Variants in ROBO2 observed in about 807,000 individuals in gnomAD.
The protein encoded by ROBO2 is roundabout homolog 2.
Under a neutral mutation model 160.8 loss-of-function variants are expected in ROBO2, and 53 were observed. The observed-to-expected ratio is 0.33, with a 90% confidence interval of 0.26 to 0.41. ROBO2 has a LOEUF of 0.41. Ranked by LOEUF, ROBO2 falls within the 10% of genes least tolerant of loss-of-function variation. The pLI, the probability that ROBO2 is intolerant of heterozygous loss-of-function variation, is 1.00. For missense variants in ROBO2, 1,577 were observed against 1,722.4 expected (o/e 0.92, Z 1.49); for synonymous variants, 664 against 611.7 (o/e 1.09, Z -1.26).
At chr3:76,871,006 T>C (rs1240163397) in intron 2 of ROBO2, among the ~76,000 whole-genome samples, 4 of 152,194 alleles carry the variant, frequency 2.6e-5, no homozygotes, top group Non-Finnish European at 5.9e-5. Context: ...CCTCTGCCAA[T>C]AGAGACAACG....
chr3:76,666,695 C>T (rs945788541), intron 2 of ROBO2, among the ~76,000 whole-genome samples: 1 of 151,766 alleles, frequency 6.6e-6, no homozygotes, highest in African/African-American at 2.4e-5. Flanking sequence ...CTTCCTGGCT[C>T]TTAGGCTTAT....
At chr3:77,229,873 C>G (rs554908299) in intron 2 of ROBO2, among the ~76,000 whole-genome samples, 5 of 151,916 alleles carry the variant, frequency 3.3e-5, no homozygotes, top group African/African-American at 1.2e-4. Context: ...ATTGAGATTC[C>G]CTCCATGAAG....
chr3:77,409,700 G>A (rs1404580756), intron 2 of ROBO2, among the ~76,000 whole-genome samples: 1 of 152,108 alleles, frequency 6.6e-6, no homozygotes, highest in Non-Finnish European at 1.5e-5. Flanking sequence ...GTAAGCAAAT[G>A]ACTCTTTGTC....
intron 2 of ROBO2, among the ~76,000 whole-genome samples, chr3:77,333,421 C>T (rs2066178684): frequency 6.6e-6 from 1 of 152,102 alleles, no homozygotes; most frequent in Non-Finnish European, 1.5e-5. Context: ...TTGATTAGAA[C>T]AGAATGCAAG....
intron 5 of ROBO2, 135 bp downstream of exon 5, chr3:77,493,517 A>T: frequency 1.1e-6 from 1 of 927,562 alleles, no homozygotes; most frequent in South Asian, 1.4e-5. Flanking sequence ...TACATATGCA[A>T]GCCACATATT....
chr3:77,284,043 G>T (rs2060418308), intron 2 of ROBO2, among the ~76,000 whole-genome samples: 1 of 152,074 alleles, frequency 6.6e-6, no homozygotes. Context: ...TTTAAATATT[G>T]ATGTATCAGG....
At chr3:76,246,010 A>T (rs180757268) in intron 2 of ROBO2, among the ~76,000 whole-genome samples, 3 of 152,246 alleles carry the variant, frequency 2.0e-5, no homozygotes, top group Non-Finnish European at 2.9e-5. Context: ...GTACATATAT[A>T]TGCTTTTTGT....
intron 2 of ROBO2, among the ~76,000 whole-genome samples, chr3:76,736,752 C>T (rs2093719496): frequency 6.6e-6 from 1 of 152,208 alleles, no homozygotes; most frequent in African/African-American, 2.4e-5. Flanking sequence ...CTATTTCATT[C>T]TGAACCTGAA....
intron 2 of ROBO2, among the ~76,000 whole-genome samples, chr3:77,012,277 G>A (rs1398516326): frequency 6.6e-6 from 1 of 152,140 alleles, no homozygotes; most frequent in Non-Finnish European, 1.5e-5. Flanking sequence ...TGACTTTGGA[G>A]AAGACAAGCA....
intron 2 of ROBO2, among the ~76,000 whole-genome samples, chr3:77,430,128 T>C (rs146538497): frequency 3.3e-5 from 5 of 152,256 alleles, no homozygotes; most frequent in African/African-American, 1.2e-4. Flanking sequence ...GGAGGACTTC[T>C]ACTGATTTTT....
chr3:76,896,547 T>A (rs2074792360), intron 2 of ROBO2, among the ~76,000 whole-genome samples: 1 of 152,192 alleles, frequency 6.6e-6, no homozygotes. Context: ...TAGATGATCA[T>A]GCACCTTCAC....
chr3:76,612,318 T>C (rs551772669), intron 2 of ROBO2, among the ~76,000 whole-genome samples: 66 of 152,372 alleles, frequency 4.3e-4, no homozygotes, highest in Non-Finnish European at 6.9e-4. Flanking sequence ...GTTGATTTTC[T>C]ATCTGGATAA....
chr3:77,573,490 A>G (rs2093686680), intron 13 of ROBO2, among the ~76,000 whole-genome samples: 1 of 152,078 alleles, frequency 6.6e-6, no homozygotes, highest in Non-Finnish European at 1.5e-5. Flanking sequence ...ATAAATGAAG[A>G]TATCAAAAAG....
intron 2 of ROBO2, among the ~76,000 whole-genome samples, chr3:75,941,506 A>G (rs559066903): frequency 6.6e-6 from 1 of 152,298 alleles, no homozygotes; most frequent in South Asian, 2.1e-4. Flanking sequence ...ATTTTAATCA[A>G]TTTGGTTTCC....
At chr3:76,741,855 T>C (rs1486318972) in intron 2 of ROBO2, among the ~76,000 whole-genome samples, 1 of 152,056 alleles carries the variant, frequency 6.6e-6, no homozygotes, top group Non-Finnish European at 1.5e-5. Context: ...TTTCTGAATG[T>C]CCAAGTTTTA....
At chr3:77,606,645 A>G (rs1362065163) in intron 20 of ROBO2, among the ~76,000 whole-genome samples, 1 of 152,228 alleles carries the variant, frequency 6.6e-6, no homozygotes, top group Admixed American at 6.5e-5. Context: ...TGGTGCTCAA[A>G]TATGTTCCTA....
chr3:76,662,230 T>C (rs2091855218), intron 2 of ROBO2, among the ~76,000 whole-genome samples: 1 of 152,108 alleles, frequency 6.6e-6, no homozygotes, highest in Admixed American at 6.5e-5. Flanking sequence ...GTCTTCCCTG[T>C]CCATGAAATG....
chr3:77,019,908 A>G (rs1023270037), intron 2 of ROBO2, among the ~76,000 whole-genome samples: 1 of 152,190 alleles, frequency 6.6e-6, no homozygotes, highest in Non-Finnish European at 1.5e-5. Context: ...TTTGAACCAC[A>G]AGTCTCATTT....
intron 2 of ROBO2, among the ~76,000 whole-genome samples, chr3:76,100,211 C>A (rs2069627482): frequency 6.6e-6 from 1 of 152,056 alleles, no homozygotes; most frequent in Non-Finnish European, 1.5e-5. Context: ...GATTGTGCTT[C>A]TTGATTTATT....
Sources: allele counts gnomAD v4.1 joint callset (sites outside exome capture counted in the v4.1 genomes callset), GRCh38; gene constraint gnomAD v4.1.1; transcripts MANE v1.5; gene names NCBI Gene and HGNC (gene_info 2026-07-23, HGNC 2026-07-21).